IQCM: variants seen among roughly 807,000 people sequenced by gnomAD.
The protein encoded by IQCM is IQ domain-containing protein M.
IQCM carries 45 observed loss-of-function variants against 57.6 expected under a neutral mutation model. The ratio of observed to expected loss-of-function variants is 0.78; its 90% confidence interval spans 0.62 to 1.00. The LOEUF is 1.00. Ranked by LOEUF, IQCM falls within the 50% of genes least tolerant of loss-of-function variation. IQCM has a pLI of 0.00. For synonymous variants in IQCM, 148 were observed against 158.9 expected (o/e 0.93, Z 0.51); for missense variants, 468 against 511.6 (o/e 0.91, Z 0.82).
intron 13 of IQCM, among the ~76,000 whole-genome samples, chr4:149,419,160 CAA>C (rs1292488251): frequency 6.6e-6 from 1 of 151,760 alleles, no homozygotes; most frequent in African/African-American, 2.4e-5. Flanking sequence ...CATATGGAAC[CAA>C]AAAAAGAGCT....
Position 149,504,940 on chromosome 4 carries a change from G to A in IQCM, c.1228+43515C>T, listed in dbSNP as rs149970658. ...ACCCTGGGAGGGCTCCTTTATCCCAGCAAGAAGACTGTCTATGAACCAGGA... is the reference window on the plus strand; with the variant it reads ...ACCCTGGGAGGGCTCCTTTATCCCAACAAGAAGACTGTCTATGAACCAGGA... On this transcript the variant is annotated intron_variant, in intron 12 of 13. Coordinates refer to ENST00000636793, the MANE Select transcript of IQCM (RefSeq NM_001363507.2). 1.3e-4 allele frequency among the ~76,000 whole-genome samples: 20 copies of A among 152,124 alleles called. No homozygotes were observed. In the East Asian group the frequency reaches 3.7e-3, roughly 28 times the overall value.
At chr4:149,692,154 C>T (rs532003412) in intron 5 of IQCM, among the ~76,000 whole-genome samples, 31 of 152,286 alleles carry the variant, frequency 2.0e-4, no homozygotes, top group African/African-American at 6.7e-4. Flanking sequence ...CTGAAGTCCA[C>T]TCTTCCCCTG....
At chr4:149,447,009 G>T (rs1736585524) in intron 12 of IQCM, among the ~76,000 whole-genome samples, 1 of 151,442 alleles carries the variant, frequency 6.6e-6, no homozygotes, top group East Asian at 1.9e-4. Context: ...GAGCAAAGTG[G>T]CCCTTCCTTT....
intron 7 of IQCM, among the ~76,000 whole-genome samples, chr4:149,660,409 T>C (rs979773162): frequency 3.0e-4 from 45 of 152,050 alleles, no homozygotes; most frequent in Admixed American, 7.9e-4. Context: ...TCTACCATTG[T>C]GGAAGTCAGT....
At chr4:149,810,201 A>G (rs898578445) in intron 2 of IQCM, among the ~76,000 whole-genome samples, 1 of 151,828 alleles carries the variant, frequency 6.6e-6, no homozygotes, top group Non-Finnish European at 1.5e-5. Flanking sequence ...CCTGGGCAAC[A>G]TGATGAAACC....
At chr4:149,592,812 C>A (rs1049447186) in intron 8 of IQCM, among the ~76,000 whole-genome samples, 1 of 152,070 alleles carries the variant, frequency 6.6e-6, no homozygotes, top group South Asian at 2.1e-4. Context: ...TTCCATTGGT[C>A]TATATCTCTG....
chr4:149,447,085 A>T (rs938277647), intron 12 of IQCM, among the ~76,000 whole-genome samples: 1 of 151,610 alleles, frequency 6.6e-6, no homozygotes, highest in Non-Finnish European at 1.5e-5. Flanking sequence ...GAACAAAAAC[A>T]AAAGAATTAT....
chr4:149,731,658 G>C (rs146343189), intron 5 of IQCM, among the ~76,000 whole-genome samples: 177 of 152,000 alleles, frequency 1.2e-3, no homozygotes, highest in African/African-American at 4.0e-3. Flanking sequence ...CACTAATTCT[G>C]AATTTATCAA....
chr4:149,727,717 TCCTATGAATGTCTCAAG>T (rs1766079316), intron 5 of IQCM, among the ~76,000 whole-genome samples: 3 of 152,050 alleles, frequency 2.0e-5, no homozygotes, highest in Non-Finnish European at 2.9e-5. Flanking sequence ...CTGAAGCTGG[TCCTATGAATGTCTCAAG>T]CCAGGAAGGA....
chr4:149,474,901 T>C (rs1282499243), intron 12 of IQCM, among the ~76,000 whole-genome samples: 1 of 151,828 alleles, frequency 6.6e-6, no homozygotes, highest in Non-Finnish European at 1.5e-5. Context: ...ACAGGGAAGT[T>C]AGTGTGCTAG....
At chr4:149,394,431 G>C (rs1019677246) in intron 13 of IQCM, among the ~76,000 whole-genome samples, 2 of 152,014 alleles carry the variant, frequency 1.3e-5, no homozygotes, top group Admixed American at 1.3e-4. Context: ...TCTTGCAAAA[G>C]TATTATTTTA....
chr4:149,765,216 G>T (rs991810173), intron 2 of IQCM, among the ~76,000 whole-genome samples: 1 of 152,048 alleles, frequency 6.6e-6, no homozygotes, highest in Non-Finnish European at 1.5e-5. Flanking sequence ...CAAGGTCAGA[G>T]TCTGTCTGGA....
chr4:149,487,051 T>C (rs925828158), intron 12 of IQCM, among the ~76,000 whole-genome samples: 2 of 152,182 alleles, frequency 1.3e-5, no homozygotes, highest in Non-Finnish European at 2.9e-5. Context: ...GGGTCACTCC[T>C]GAAGCCAGCA....
chr4:149,805,639 CAAAT>C (rs1413297833), intron 2 of IQCM, among the ~76,000 whole-genome samples: 1 of 151,882 alleles, frequency 6.6e-6, no homozygotes, highest in African/African-American at 2.4e-5. Context: ...TTTCATTACA[CAAAT>C]AAAAAGTGAA....
intron 5 of IQCM, among the ~76,000 whole-genome samples, chr4:149,729,465 T>G (rs35645060): frequency 0.25 from 36,887 of 148,532 alleles, 4,549 homozygotes; most frequent in East Asian, 0.28. Flanking sequence ...TTTGTTGTTT[T>G]TTTTTTTGTT....
At chr4:149,728,953 C>G (rs983228535) in intron 5 of IQCM, among the ~76,000 whole-genome samples, 1 of 152,048 alleles carries the variant, frequency 6.6e-6, no homozygotes, top group Admixed American at 6.6e-5. Flanking sequence ...AATATGAGAC[C>G]CAAGTACAGA....
chr4:149,380,501 G>C (rs940612079), intron 13 of IQCM, among the ~76,000 whole-genome samples: 1 of 151,924 alleles, frequency 6.6e-6, no homozygotes, highest in Non-Finnish European at 1.5e-5. Context: ...TTATAATACT[G>C]GTGCTTCTAA....
intron 7 of IQCM, among the ~76,000 whole-genome samples, chr4:149,672,285 T>C (rs1332849716): frequency 6.6e-6 from 1 of 152,170 alleles, no homozygotes. Flanking sequence ...TTTGACAGGT[T>C]GTGAGAAGAA....
At chr4:149,782,412 C>A (rs189933926) in intron 2 of IQCM, among the ~76,000 whole-genome samples, 51 of 151,920 alleles carry the variant, frequency 3.4e-4, no homozygotes, top group Admixed American at 7.2e-4. Flanking sequence ...AATATAACAA[C>A]CAATCTGGGA....
Sources: gnomAD v4.1 joint callset for allele counts (sites outside exome capture counted in the v4.1 genomes callset) on GRCh38, gnomAD v4.1.1 for gene constraint, MANE v1.5 for transcripts, NCBI Gene and HGNC (gene_info 2026-07-23, HGNC 2026-07-21) for gene names.